The following ST18 variants were observed in gnomAD, a reference collection of about 807,000 sequenced individuals.
ST18 encodes the protein suppression of tumorigenicity 18 protein.
ST18 carries 50 observed loss-of-function variants against 110.0 expected under a neutral mutation model. That is an observed-to-expected ratio of 0.45 (90% CI 0.36 to 0.58). The LOEUF (loss-of-function observed/expected upper bound fraction) is 0.58, where lower values mean the gene tolerates loss of function less well. ST18 is among the 20% of genes least tolerant of loss of function. The pLI is 0.00. For synonymous variants in ST18, 461 were observed against 452.4 expected (o/e 1.02, Z -0.24); for missense variants, 1,306 against 1,280.1 (o/e 1.02, Z -0.31).
chr8:52,314,674 C>T (rs535364581), intron 2 of ST18, among the ~76,000 whole-genome samples: 1 of 152,286 alleles, frequency 6.6e-6, no homozygotes, highest in Admixed American at 6.5e-5. Flanking sequence ...ACAACCCAAC[C>T]AACCATGGCC....
intron 2 of ST18, among the ~76,000 whole-genome samples, chr8:52,284,762 A>G (rs2095440626): frequency 6.6e-6 from 1 of 152,188 alleles, no homozygotes; most frequent in Non-Finnish European, 1.5e-5. Context: ...ATGGACTAGG[A>G]AATGTGAAAA....
intron 2 of ST18, among the ~76,000 whole-genome samples, chr8:52,385,230 T>G (rs939894510): frequency 6.6e-6 from 1 of 152,212 alleles, no homozygotes; most frequent in African/African-American, 2.4e-5. Flanking sequence ...TTGTCATGGC[T>G]AAGACATGCA....
rs561261211 is a variant in ST18, at chr8:52,172,072, G to C, written c.789C>G (p.Leu263=). ...GGGCATTGCCATCCAGGGGTTCTGC[G>C]AGAGCATTCTGCGGGTCTTTCCTTT... The part of the protein sequence containing the change: ...ETERKDPQNA[L]AEPLDGNAQP... The change falls in exon 10 of 26, where the codon CTC becomes CTG. Residue 263 remains leucine, a synonymous_variant. Transcript: ENST00000689386. The C allele has an allele frequency of 6.2e-7, 1 of 1,614,204 alleles. No homozygotes were observed. The highest frequency in any genetic ancestry group is 1.1e-5 in the South Asian group (1 of 91,084).
chr8:52,401,731 T>C (rs1294359868), intron 2 of ST18, among the ~76,000 whole-genome samples: 5 of 152,188 alleles, frequency 3.3e-5, no homozygotes, highest in East Asian at 3.8e-4. Context: ...TGTTGCATTG[T>C]CTATCTGTAT....
Position 52,166,955 on chromosome 8 carries a change from C to T in ST18, c.1101G>A (p.Lys367=), listed in dbSNP as rs781142750. The T allele has an allele frequency of 1.9e-6, 3 of 1,611,854 alleles. No homozygotes were observed. Among genetic ancestry groups the T allele is most frequent in the African/African-American group, 2.7e-5 (2 of 74,926 alleles). The change falls in exon 11 of 26, where the codon AAG becomes AAA. Residue 367 remains lysine (K), a synonymous_variant. Coordinates refer to ENST00000689386, the MANE Select transcript of ST18 (RefSeq NM_001352837.2). ...TGCCATCACATCCAGGGATCGGGCACTTGGTCTCCCTCTTTTCAGGCCTTG... is the reference window on the plus strand; with the variant it reads ...TGCCATCACATCCAGGGATCGGGCATTTGGTCTCCCTCTTTTCAGGCCTTG... The part of the protein sequence containing the change: ...HSPRPEKRET[K]CPIPGCDGTG...
chr8:52,129,411 ACCACTGCACT>A (rs1287685488), intron 22 of ST18, among the ~76,000 whole-genome samples: 3 of 147,130 alleles, frequency 2.0e-5, no homozygotes, highest in Non-Finnish European at 3.0e-5. Flanking sequence ...CTGAGATCAC[ACCACTGCACT>A]CCAGTCTGGG....
intron 10 of ST18, among the ~76,000 whole-genome samples, chr8:52,171,081 C>T (rs1294329572): frequency 6.6e-6 from 1 of 152,070 alleles, no homozygotes; most frequent in Non-Finnish European, 1.5e-5. Context: ...TCTGAAAATA[C>T]TCATCTTAAA....
chr8:52,165,170 C>G lies in ST18; in HGVS notation c.1260G>C (p.Arg420Ser), dbSNP rs182768326. Residue 420 changes from arginine (R) to serine (S), a missense_variant, in exon 12 of 26, where the codon AGG becomes AGC. Coordinates refer to ENST00000689386, the MANE Select transcript of ST18 (RefSeq NM_001352837.2). ...TGTTGCGGTTGCTGTTCACATGACC[C>G]CTTCCTGTGCATCCCGGCGTGGGAC... ...LKCPTPGCTG[R>S]GHVNSNRNTH... 4.3e-6 allele frequency: 7 copies of G among 1,614,126 alleles called. No individual in the cohort carries two copies. The Admixed American group carries it at 8.3e-5, about 19-fold the overall frequency.
chr8:52,135,399 A>G (rs2051619849), intron 19 of ST18, among the ~76,000 whole-genome samples: 1 of 151,866 alleles, frequency 6.6e-6, no homozygotes, highest in Non-Finnish European at 1.5e-5. Context: ...TGTCTCTACT[A>G]AAAATACAAA....
chr8:52,119,561 T>C (rs543282494), intron 23 of ST18, among the ~76,000 whole-genome samples: 1 of 152,246 alleles, frequency 6.6e-6, no homozygotes, highest in South Asian at 2.1e-4. Context: ...CTCCTGAAGG[T>C]GGATGCTCAC....
At chr8:52,184,789 G>A (rs766963236) in intron 8 of ST18, among the ~76,000 whole-genome samples, 2 of 152,096 alleles carry the variant, frequency 1.3e-5, no homozygotes, top group Non-Finnish European at 2.9e-5. Context: ...AGAATAAAAT[G>A]CAAAAATAAA....
intron 2 of ST18, among the ~76,000 whole-genome samples, chr8:52,330,720 G>A (rs1450793881): frequency 6.6e-6 from 1 of 152,228 alleles, no homozygotes; most frequent in Admixed American, 6.5e-5. Flanking sequence ...TGATGGCGTG[G>A]GCAGGAAGTG....
intron 15 of ST18, among the ~76,000 whole-genome samples, chr8:52,156,557 C>T (rs2060067630): frequency 6.6e-6 from 1 of 152,216 alleles, no homozygotes; most frequent in Non-Finnish European, 1.5e-5. Context: ...AAAAGGCCTA[C>T]ATCAGACATG....
At chr8:52,296,407 G>A (rs1216833322) in intron 2 of ST18, 2 of 152,128 alleles carry the variant, frequency 1.3e-5, no homozygotes, top group Non-Finnish European at 2.9e-5. Context: ...CTAGACGGGG[G>A]GAACTCCCCT....
At position 52,180,223 on chromosome 8, in the gene ST18, A is replaced by G. The variant is rs1182598190; in HGVS notation, c.176T>C (p.Met59Thr). ...VPVNKRKSLL[M>T]KPRHYSPKAD... The stretch of plus-strand genomic sequence containing the variant: ...TTTTGGGCTGTAGTGTCGGGGCTTC[A>G]TTAGCAGGGATTTCCTTTTGTTGAC... The change falls in exon 9 of 26, where the codon ATG becomes ACG. Residue 59 changes from methionine (M) to threonine (T), a missense_variant. Coordinates refer to ENST00000689386, the MANE Select transcript of ST18 (RefSeq NM_001352837.2). 3 of 1,614,014 alleles carry G rather than the reference A, an allele frequency of 1.9e-6. No individual in the cohort carries two copies. In the Admixed American group the frequency reaches 5.0e-5, roughly 27 times the overall value.
intron 2 of ST18, among the ~76,000 whole-genome samples, chr8:52,322,344 T>C (rs756669514): frequency 4.6e-5 from 7 of 152,218 alleles, no homozygotes; most frequent in African/African-American, 1.7e-4. Context: ...CTAGTTCAGA[T>C]TGAATTTCTG....
intron 2 of ST18, among the ~76,000 whole-genome samples, chr8:52,379,102 CTTT>C (rs35639924): frequency 1.4e-5 from 2 of 145,662 alleles, no homozygotes; most frequent in Non-Finnish European, 1.5e-5. Flanking sequence ...TCTTTTCTTT[CTTT>C]TTTTTTTTTT....
At chr8:52,218,751 C>T (rs748975919) in intron 5 of ST18, among the ~76,000 whole-genome samples, 1 of 151,870 alleles carries the variant, frequency 6.6e-6, no homozygotes, top group Non-Finnish European at 1.5e-5. Flanking sequence ...GCAGTAAGCA[C>T]CCTTTTGAAC....
In ST18 at chr8:52,130,062, A is replaced by AAGAG. The variant is rs753697046; in HGVS notation, c.2666+1892_2666+1895dup. Among the ~76,000 whole-genome samples the AAGAG allele has an allele frequency of 6.2e-3, 875 of 141,378 alleles. 4 individuals are homozygous for AAGAG. The highest frequency in any genetic ancestry group is 0.01 in the Non-Finnish European group (677 of 65,656). The allele number at this position is 141,378 out of a possible 152,430, so 92.7% of individuals were successfully genotyped here. A position where few individuals can be genotyped will look rare whatever the true frequency, so the allele number is the denominator to read the frequency against. On this transcript the variant is annotated intron_variant, in intron 22 of 25. Transcript: ENST00000689386. The stretch of plus-strand genomic sequence containing the variant: ...CTCTGTTTCAAAAAAGAAAGAAAGA[A>AAGAG]AGAGAGAGAGAGAGAGAGAGAGAAA...
Sources: gnomAD v4.1 joint callset for allele counts (sites outside exome capture counted in the v4.1 genomes callset) on GRCh38, gnomAD v4.1.1 for gene constraint, MANE v1.5 for transcripts, NCBI Gene and HGNC (gene_info 2026-07-23, HGNC 2026-07-21) for gene names.